The following DNM1L variants were observed in gnomAD, a reference collection of about 807,000 sequenced individuals.
The protein encoded by DNM1L is dynamin-1-like protein.
DNM1L carries 33 observed loss-of-function variants against 92.8 expected under a neutral mutation model. The ratio of observed to expected loss-of-function variants is 0.36; its 90% CI spans 0.27 to 0.48. DNM1L has a LOEUF of 0.48. DNM1L is among the 20% of genes least tolerant of loss of function. The pLI, the probability that DNM1L is intolerant of heterozygous loss-of-function variation, is 0.99. For missense variants in DNM1L, 485 were observed against 888.8 expected (o/e 0.55, Z 5.78); for synonymous variants, 284 against 305.0 (o/e 0.93, Z 0.72).
chr12:32,713,267 G>T lies in DNM1L; in HGVS notation c.515G>T (p.Arg172Leu), dbSNP rs764915133. The change falls in exon 6 of 20, where the codon CGG (arginine) becomes CTG (leucine). Residue 172 changes from arginine to leucine, a missense_variant. By Grantham distance (102) the Arg-to-Leu change is moderately radical. This residue lies in a region of DNM1L where 159 missense variants were observed against 275.9 expected (regional missense o/e 0.58). Transcript: ENST00000549701. ...IELQIRELIL[R>L]FISNPNSIIL... is the part of the protein sequence containing the mutation. ...CTTCAAATCAGAGAGCTCATTCTTC[G>T]GTTCATCAGTAATCCTAATTCCATT... 6.2e-7 allele frequency: 1 copy of T among 1,613,810 alleles called. No homozygotes were observed. Among genetic ancestry groups the T allele is most frequent in the Non-Finnish European group, 8.5e-7 (1 of 1,179,908 alleles).
chr12:32,727,479 A>T, intron 9 of DNM1L: 1 of 597,188 alleles, frequency 1.7e-6, no homozygotes. Context: ...AGCAAGAGGC[A>T]GCACTGCAAG....
chr12:32,739,023 G>GGAGAAATCTTAA (rs1289017679), intron 16 of DNM1L, among the ~76,000 whole-genome samples: 1 of 152,048 alleles, frequency 6.6e-6, no homozygotes, highest in Non-Finnish European at 1.5e-5. Flanking sequence ...CTCTCCTTAA[G>GGAGAAATCTTAA]ATTTCATTTG....
In DNM1L at chr12:32,725,041, AT is replaced by A. The variant is rs1207268748; in HGVS notation, c.1079+2419del. 3.0e-3 allele frequency among the ~76,000 whole-genome samples: 443 copies of A among 148,178 alleles called. 2 individuals carry two copies. The highest frequency in any genetic ancestry group is 9.0e-3 in the African/African-American group (367 of 40,568). On this transcript the variant is annotated intron_variant, in intron 9 of 19. Coordinates refer to ENST00000549701, the MANE Select transcript of DNM1L (RefSeq NM_012062.5). Reference sequence around the variant, plus strand: ...TCTACCCCAAAGAAAATGAACTTTAATTTTTTTTTTTAAAGCATCGTATCAC... The same window carrying A: ...TCTACCCCAAAGAAAATGAACTTTAATTTTTTTTTTAAAGCATCGTATCAC...
At chr12:32,704,350 G>C (rs1186439991) in intron 2 of DNM1L, among the ~76,000 whole-genome samples, 1 of 152,094 alleles carries the variant, frequency 6.6e-6, no homozygotes, top group Non-Finnish European at 1.5e-5. Context: ...AGGAGTTCGA[G>C]ACCAGCCTGG....
intron 16 of DNM1L, among the ~76,000 whole-genome samples, chr12:32,738,658 G>T (rs1421320369): frequency 6.6e-6 from 1 of 151,924 alleles, no homozygotes; most frequent in African/African-American, 2.4e-5. Context: ...TCTTTCTTAT[G>T]CTTCCAGTTA....
chr12:32,730,963 C>A, intron 9 of DNM1L, 51 bp from the exon 10 acceptor site: 1 of 1,611,244 alleles, frequency 6.2e-7, no homozygotes, highest in Non-Finnish European at 8.5e-7. Context: ...TAACTTGTAT[C>A]TTCTTTCCCT....
Position 32,731,978 on chromosome 12 carries a change from A to G in DNM1L, c.1446+35A>G. On this transcript the variant is annotated intron_variant, in intron 12 of 19. Transcript: ENST00000549701. The surrounding 1 kb of genome is among the most constrained non-coding windows in gnomAD (Gnocchi z 5.1). ...TATAGCATAGATCATTGTAATTACT[A>G]TTAGTAAAAGTTTAAATTTTTGCTT... is the stretch of plus-strand genomic sequence containing the variant. The G allele has an allele frequency of 2.6e-6, 4 of 1,530,836 alleles. No individual in the cohort carries two copies. The highest frequency in any genetic ancestry group is 1.4e-5 in the African/African-American group (1 of 73,302). The allele number at this position is 1,530,836 out of a possible 1,614,324, so 94.8% of individuals were successfully genotyped here.
intron 9 of DNM1L, chr12:32,725,445 C>T (rs983410111): frequency 7.2e-5 from 11 of 152,252 alleles, no homozygotes; most frequent in East Asian, 3.9e-4. Flanking sequence ...TCTGAAAAAT[C>T]CTGTTTTATT....
intron 9 of DNM1L, chr12:32,725,555 T>C (rs913447659): frequency 2.0e-5 from 3 of 152,348 alleles, no homozygotes; most frequent in Admixed American, 2.0e-4. Flanking sequence ...AATACAGTTA[T>C]TGGGTGTGGT....
intron 1 of DNM1L, 59 bp from the exon 2 acceptor site, chr12:32,701,356 G>A (rs2137301471): frequency 6.9e-7 from 1 of 1,450,888 alleles, no homozygotes; most frequent in East Asian, 2.3e-5. Flanking sequence ...ATAGTTTATT[G>A]AATTAACAAA....
chr12:32,714,315 C>T (rs546861864), intron 6 of DNM1L, among the ~76,000 whole-genome samples: 1 of 149,188 alleles, frequency 6.7e-6, no homozygotes, highest in African/African-American at 2.5e-5. Flanking sequence ...CTCTATCTCC[C>T]AGGCTGGAGT....
At chr12:32,699,262 C>G (rs905926098) in intron 1 of DNM1L, among the ~76,000 whole-genome samples, 1 of 152,080 alleles carries the variant, frequency 6.6e-6, no homozygotes, top group African/African-American at 2.4e-5. Flanking sequence ...TATGAGTATT[C>G]ACTGTTACCG....
chr12:32,725,078 C>A (rs1219659195), intron 9 of DNM1L, among the ~76,000 whole-genome samples: 1 of 105,598 alleles, frequency 9.5e-6, no homozygotes, highest in African/African-American at 4.3e-5. Flanking sequence ...TGAAGATTTT[C>A]TTCTTCTTCT....
At chr12:32,698,482 T>C (rs1344427507) in intron 1 of DNM1L, among the ~76,000 whole-genome samples, 2 of 152,220 alleles carry the variant, frequency 1.3e-5, no homozygotes, top group Non-Finnish European at 2.9e-5. Flanking sequence ...GCATTATCCC[T>C]TGTGATTTCC....
chr12:32,738,366 A>G (rs1194273388), intron 16 of DNM1L, 70 bp downstream of exon 16: 11 of 1,533,662 alleles, frequency 7.2e-6, no homozygotes. Flanking sequence ...CTATACCACC[A>G]TTAAAGAACC....
chr12:32,731,158 C>A lies in DNM1L; in HGVS notation c.1200+24C>A. 1 of 1,613,574 alleles carries A rather than the reference C, an allele frequency of 6.2e-7. No individual in the cohort carries two copies. Among genetic ancestry groups the A allele is most frequent in the Non-Finnish European group, 8.5e-7 (1 of 1,179,870 alleles). ...CTGTGAGTATGTTTAGCTTTTTAGACTGTAAAAAAAAATGAGGTTAAAGTT... is the reference window on the plus strand; with the variant it reads ...CTGTGAGTATGTTTAGCTTTTTAGAATGTAAAAAAAAATGAGGTTAAAGTT... On this transcript the variant is annotated intron_variant, in intron 10 of 19. Coordinates refer to ENST00000549701, the MANE Select transcript of DNM1L (RefSeq NM_012062.5). The surrounding 1 kb of genome is among the most constrained non-coding windows in gnomAD (Gnocchi z 5.1).
At chr12:32,683,649 A>G (rs1951889208) in intron 1 of DNM1L, among the ~76,000 whole-genome samples, 1 of 151,570 alleles carries the variant, frequency 6.6e-6, no homozygotes, top group African/African-American at 2.4e-5. Flanking sequence ...AGTTCAAGTG[A>G]TTCTCCTGCC....
intron 1 of DNM1L, among the ~76,000 whole-genome samples, chr12:32,688,703 T>C (rs982655865): frequency 6.6e-6 from 1 of 152,212 alleles, no homozygotes; most frequent in Non-Finnish European, 1.5e-5. Flanking sequence ...TAGATTCATA[T>C]CACTTTTTCA....
intron 1 of DNM1L, 64 bp downstream of exon 1, chr12:32,679,529 G>GCAGTGCCCACTCCCGCGC (rs1951720245): frequency 6.6e-7 from 1 of 1,523,016 alleles, no homozygotes; most frequent in Admixed American, 1.7e-5. Flanking sequence ...CGGTGCTGCG[G>GCAGTGCCCACTCCCGCGC]CAGTGCCCAC....
Sources: allele counts gnomAD v4.1 joint callset (sites outside exome capture counted in the v4.1 genomes callset), GRCh38; gene constraint gnomAD v4.1.1; regional missense constraint gnomAD v4.1.1; non-coding constraint Gnocchi (gnomAD v3.1); transcripts MANE v1.5; gene names NCBI Gene and HGNC (gene_info 2026-07-23, HGNC 2026-07-21).